FAT1: variants seen among roughly 807,000 people sequenced by gnomAD.
The protein encoded by FAT1 is protocadherin Fat 1.
Under a neutral mutation model 329.8 loss-of-function variants are expected in FAT1, and 171 were observed. That is an observed-to-expected ratio of 0.52 (90% CI 0.46 to 0.59). The LOEUF (loss-of-function observed/expected upper bound fraction) is 0.59, where lower values mean the gene tolerates loss of function less well. Among genes scored for constraint, FAT1 ranks in the 20% least tolerant of loss-of-function variants. FAT1 has a pLI of 0.00. For missense variants in FAT1, 5,672 were observed against 5,774.4 expected (o/e 0.98, Z 0.57); for synonymous variants, 2,233 against 2,228.6 (o/e 1.00, Z -0.06).
At chr4:186,611,814 A>G (rs201131193) in intron 13 of FAT1, 39 bp from the exon 14 acceptor site, 1 of 1,496,246 alleles carries the variant, frequency 6.7e-7, no homozygotes, top group Non-Finnish European at 8.9e-7. Context: ...ATTTTAAATA[A>G]AAAAGTTTAA....
chr4:186,624,708 C>T (rs939313333), intron 9 of FAT1, among the ~76,000 whole-genome samples: 8 of 152,302 alleles, frequency 5.3e-5, no homozygotes, highest in South Asian at 2.1e-4. Flanking sequence ...TGCAGTGTTA[C>T]GTACTGAATT....
rs755374400 is a variant in FAT1 at position 186,588,626 on chromosome 4, G to A, written c.13733C>T (p.Pro4578Leu). The A allele has an allele frequency of 5.0e-6, 8 of 1,613,184 alleles. No homozygotes were observed. The highest frequency in any genetic ancestry group is 3.3e-5 in the Admixed American group (2 of 59,976). Reference sequence around the variant, plus strand: ...CGTGTGCTGCTGGGAATCCAGGGGCGGGATCGTCACCTCTTCGAAGTGGCC... The same window carrying A: ...CGTGTGCTGCTGGGAATCCAGGGGCAGGATCGTCACCTCTTCGAAGTGGCC... ...DDGHFEEVTI[P>L]PLDSQQHTEV The change falls in exon 27 of 27, where the codon CCG becomes CTG. Residue 4578 changes from proline to leucine, a missense_variant. Pro to Leu is a moderately conservative substitution (Grantham distance 98). Transcript: ENST00000441802.
At chr4:186,611,825 CA>C (rs1560933045) in intron 13 of FAT1, 50 bp from the exon 14 acceptor site, 31 of 1,394,690 alleles carry the variant, frequency 2.2e-5, no homozygotes, top group South Asian at 1.4e-5. Context: ...AAAAGTTTAA[CA>C]CTTTTTTTTT....
At position 186,707,532 on chromosome 4, in the gene FAT1, T is replaced by C. The variant is rs1432396432; in HGVS notation, c.2296A>G (p.Met766Val). The change falls in exon 2 of 27, where the codon ATG becomes GTG. Residue 766 changes from methionine (M) to valine (V), a missense_variant. Met to Val is a conservative substitution (Grantham distance 21). Coordinates refer to ENST00000441802, the MANE Select transcript of FAT1 (RefSeq NM_005245.4). ...VSGGNEDSCFMIDMETGMLKI... is the reference protein window; with the variant it reads ...VSGGNEDSCFVIDMETGMLKI... ...AGCATTCCTGTTTCCATATCAATCA[T>C]GAAGCAACTATCCTCATTTCCTCCA... 6.2e-7 allele frequency: 1 copy of C among 1,614,048 alleles called. No individual in the cohort carries two copies. Among genetic ancestry groups the C allele is most frequent in the Non-Finnish European group, 8.5e-7 (1 of 1,179,902 alleles).
chr4:186,707,317 T>C lies in FAT1; in HGVS notation c.2511A>G (p.Val837=). 1 of 1,614,000 alleles carries C rather than the reference T, an allele frequency of 6.2e-7. No individual in the cohort carries two copies. The highest frequency in any genetic ancestry group is 8.5e-7 in the Non-Finnish European group (1 of 1,179,894). The change falls in exon 2 of 27, where the codon GTA becomes GTG. Residue 837 remains valine, a synonymous_variant. Coordinates refer to ENST00000441802, the MANE Select transcript of FAT1 (RefSeq NM_005245.4). ...CTTCAACCTGGATGATTTCACTATG[T>C]ACCTCCTTGTCTTCACTCACTTCCA... is the stretch of plus-strand genomic sequence containing the variant. ...YFVEVSEDKE[V]HSEIIQVEAT...
At chr4:186,642,645 A>G (rs1257859234) in intron 3 of FAT1, among the ~76,000 whole-genome samples, 18 of 148,072 alleles carry the variant, frequency 1.2e-4, no homozygotes, top group African/African-American at 4.2e-4. Flanking sequence ...TAGGTGCTGC[A>G]ATGGGTGGCT....
chr4:186,669,197 C>T (rs1742614723), intron 2 of FAT1, among the ~76,000 whole-genome samples: 2 of 152,162 alleles, frequency 1.3e-5, no homozygotes, highest in African/African-American at 4.8e-5. Flanking sequence ...CCAGAAGGTG[C>T]CTGCGCCCAG....
chr4:186,690,265 A>G (rs1051199326), intron 2 of FAT1, among the ~76,000 whole-genome samples: 3 of 152,236 alleles, frequency 2.0e-5, no homozygotes, highest in African/African-American at 7.2e-5. Flanking sequence ...CAGTTGAGGA[A>G]GTAAAAACAA....
rs756469933 is a variant in FAT1 at position 186,663,380 on chromosome 4, C to T, written c.3499G>A (p.Asp1167Asn). 1.9e-6 allele frequency: 3 copies of T among 1,613,874 alleles called. No individual in the cohort carries two copies. In the African/African-American group the frequency reaches 4.0e-5, roughly 22 times the overall value. ...SVVQIEAFDPDSSSNDKLMYK... is the reference protein window; with the variant it reads ...SVVQIEAFDPNSSSNDKLMYK... ...ATGAGCTTGTCATTAGAGCTCGAATCTGGATCAAATGCCTCGATCTGGACC... is the reference window on the plus strand; with the variant it reads ...ATGAGCTTGTCATTAGAGCTCGAATTTGGATCAAATGCCTCGATCTGGACC... Residue 1167 changes from aspartate to asparagine, a missense_variant, in exon 3 of 27, where the codon GAT (aspartate) becomes AAT (asparagine). By Grantham distance (23) the Asp-to-Asn change is conservative (BLOSUM62 1). Coordinates refer to ENST00000441802, the MANE Select transcript of FAT1 (RefSeq NM_005245.4).
intron 2 of FAT1, among the ~76,000 whole-genome samples, chr4:186,692,304 G>GTTATTTAT (rs144146876): frequency 3.4e-4 from 50 of 148,292 alleles, no homozygotes; most frequent in South Asian, 1.1e-3. Context: ...TACATCTTAG[G>GTTATTTAT]TTATTTATTT....
chr4:186,667,173 A>AT (rs1220831951), intron 2 of FAT1, among the ~76,000 whole-genome samples: 2 of 152,116 alleles, frequency 1.3e-5, no homozygotes, highest in Non-Finnish European at 2.9e-5. Context: ...AACAGCTATG[A>AT]TTTTTCCGTC....
intron 9 of FAT1, among the ~76,000 whole-genome samples, chr4:186,625,789 G>C (rs1740274736): frequency 6.6e-6 from 1 of 152,234 alleles, no homozygotes; most frequent in South Asian, 2.1e-4. Flanking sequence ...ACTTCTGATT[G>C]TACAGACTGT....
intron 9 of FAT1, among the ~76,000 whole-genome samples, chr4:186,624,063 T>C (rs1435767961): frequency 1.3e-5 from 2 of 152,066 alleles, no homozygotes; most frequent in African/African-American, 4.8e-5. Flanking sequence ...GGCTGCTGAG[T>C]GGTAGAAAGT....
In FAT1 at chr4:186,597,054, G is replaced by A. The variant is rs768651990; in HGVS notation, c.12486C>T (p.Cys4162=). ...NCSHEYRGRH[C]EDAAPNQYVS... ...CATACTGGTTGGGCGCAGCATCCTC[G>A]CAGTGACGTCCCCTGTACTCGTGGC... The change falls in exon 25 of 27, where the codon TGC becomes TGT. Residue 4162 remains cysteine, a synonymous_variant. Coordinates refer to ENST00000441802, the MANE Select transcript of FAT1 (RefSeq NM_005245.4). 9.3e-6 allele frequency: 15 copies of A among 1,613,848 alleles called. No individual in the cohort carries two copies. Among genetic ancestry groups the A allele is most frequent in the Admixed American group, 3.3e-5 (2 of 59,996 alleles).
chr4:186,671,702 A>T (rs1560982404), intron 2 of FAT1, among the ~76,000 whole-genome samples: 4 of 152,134 alleles, frequency 2.6e-5, no homozygotes, highest in Admixed American at 2.0e-4. Context: ...CCGTCTCAAA[A>T]AAAAATAAAA....
upstream of FAT1, among the ~76,000 whole-genome samples, chr4:186,725,431 C>A (rs1346788605): frequency 6.6e-6 from 1 of 151,832 alleles, no homozygotes; most frequent in Non-Finnish European, 1.5e-5. This position sits in a 1 kb window ranked among gnomAD's most constrained non-coding sequence, Gnocchi z 5.4. Flanking sequence ...AAGAGAATTC[C>A]TGGAGAAGAT....
At chr4:186,693,968 A>G (rs1743912963) in intron 2 of FAT1, among the ~76,000 whole-genome samples, 1 of 151,946 alleles carries the variant, frequency 6.6e-6, no homozygotes. Flanking sequence ...CACTCTTCAC[A>G]ACACTCAACC....
At chr4:186,684,870 T>C (rs1434074623) in intron 2 of FAT1, among the ~76,000 whole-genome samples, 1 of 152,218 alleles carries the variant, frequency 6.6e-6, no homozygotes, top group Non-Finnish European at 1.5e-5. Context: ...TAGTTTTGAC[T>C]AACTGGAAAT....
intron 2 of FAT1, among the ~76,000 whole-genome samples, chr4:186,673,353 TTCTG>T (rs1560983616): frequency 1.3e-5 from 2 of 152,224 alleles, no homozygotes; most frequent in Admixed American, 6.5e-5. Flanking sequence ...TGTTTTATTT[TTCTG>T]TCTATGTCTT....
Sources: allele counts gnomAD v4.1 joint callset (sites outside exome capture counted in the v4.1 genomes callset), GRCh38; gene constraint gnomAD v4.1.1; non-coding constraint Gnocchi (gnomAD v3.1); transcripts MANE v1.5; gene names NCBI Gene and HGNC (gene_info 2026-07-23, HGNC 2026-07-21).